HTR2B: variants seen among roughly 807,000 people sequenced by gnomAD.
HTR2B encodes 5-HT 2B receptor.
Under a neutral mutation model 39.8 loss-of-function variants are expected in HTR2B, and 31 were observed. The ratio of observed to expected loss-of-function variants is 0.78; its 90% CI spans 0.58 to 1.05. HTR2B has a LOEUF of 1.05. Ranked by LOEUF, HTR2B falls within the 50% of genes least tolerant of loss-of-function variation. HTR2B has a pLI of 0.00. For synonymous variants in HTR2B, 210 were observed against 207.1 expected, an observed-to-expected ratio of 1.01 and a Z score of -0.12; for missense variants, 562 against 578.0, an observed-to-expected ratio of 0.97 and a Z score of 0.28.
At position 231,108,736 on chromosome 2, in the gene HTR2B, T is replaced by C. The variant is rs200732959; in HGVS notation, c.1227A>G (p.Arg409=). The C allele has an allele frequency of 5.8e-5, 93 of 1,614,068 alleles. No individual in the cohort carries two copies. Among genetic ancestry groups the C allele is most frequent in the African/African-American group, 2.7e-5 (2 of 74,926 alleles). The change falls in exon 4 of 4, where the codon AGA becomes AGG. Residue 409 remains arginine (R), a synonymous_variant. Coordinates refer to ENST00000258400, the MANE Select transcript of HTR2B (RefSeq NM_000867.5). Reference sequence around the variant, plus strand: ...GGAAGTAGATCTTACTGGAGCGTTTTCTGAGAGTTTTTACTGACTTTGTGG... The same window carrying C: ...GGAAGTAGATCTTACTGGAGCGTTTCCTGAGAGTTTTTACTGACTTTGTGG... ...YRATKSVKTL[R]KRSSKIYFRN...
At position 231,123,627 on chromosome 2, in the gene HTR2B, A is replaced by C; in HGVS notation, c.138T>G (p.Ile46Met). The C allele has an allele frequency of 6.2e-7, 1 of 1,614,130 alleles. No homozygotes were observed. The highest frequency in any genetic ancestry group is 8.5e-7 in the Non-Finnish European group (1 of 1,179,964). The change falls in exon 2 of 4, where the codon ATT becomes ATG. Residue 46 changes from isoleucine to methionine, a missense_variant. Ile to Met is a conservative substitution (Grantham distance 10). Coordinates refer to ENST00000258400, the MANE Select transcript of HTR2B (RefSeq NM_000867.5). ...GCAGTTTATTTCCCTGTTCCTCAAC[A>C]ATCTGTTTCATTTCCTCTGGTATTG... The part of the protein sequence containing the change: ...TESIPEEMKQ[I>M]VEEQGNKLHW...
At position 231,108,948 on chromosome 2, in the gene HTR2B, G is replaced by A. The variant is rs369917793; in HGVS notation, c.1015C>T (p.Pro339Ser). 1 of 1,613,896 alleles carries A rather than the reference G, an allele frequency of 6.2e-7. No homozygotes were observed. The highest frequency in any genetic ancestry group is 1.3e-5 in the African/African-American group (1 of 74,892). ...VFFLFLLMWC[P>S]FFITNITLVL... ...AAAGTTATATTTGTAATAAAGAAGG[G>A]ACACCACATAAGCAAAAAGAGGAAA... The change falls in exon 4 of 4, where the codon CCC becomes TCC. Residue 339 changes from proline (P) to serine (S), a missense_variant. Physicochemically the swap from Pro to Ser is moderately conservative, Grantham distance 74. Transcript: ENST00000258400.
Position 231,123,705 on chromosome 2 carries a change from C to T in HTR2B, c.60G>A (p.Gln20=). The change falls in exon 2 of 4, where the codon CAG becomes CAA. Residue 20 remains glutamine (Q), a synonymous_variant. Transcript: ENST00000258400. ...AAGAGATAACGTGAACAAAGGTGCT[C>T]TGCAAAATGTGCTCAGGAATTGTGC... The part of the protein sequence containing the change: ...LQSTIPEHIL[Q]STFVHVISSN... The T allele has an allele frequency of 1.2e-6, 2 of 1,614,096 alleles. No individual in the cohort carries two copies. The highest frequency in any genetic ancestry group is 8.5e-7 in the Non-Finnish European group (1 of 1,179,952).
In HTR2B at chr2:231,108,826, G is replaced by A. The variant is rs539709485; in HGVS notation, c.1137C>T (p.Val379=). The change falls in exon 4 of 4, where the codon GTC becomes GTT. Residue 379 remains valine, a synonymous_variant. Transcript: ENST00000258400. ...GYVSSGVNPL[V]YTLFNKTFRD... is the part of the protein sequence containing the mutation. ...GAAATGTCTTATTGAAGAGGGTGTA[G>A]ACCAAAGGATTCACTCCTGAGGAAA... 53 of 1,614,122 alleles carry A rather than the reference G, an allele frequency of 3.3e-5. No homozygotes were observed. In the South Asian group the frequency reaches 5.2e-4, roughly 16 times the overall value.
Position 231,109,421 on chromosome 2 carries a change from G to A in HTR2B, c.554-12C>T, listed in dbSNP as rs1695081809. On this transcript the variant is annotated splice_polypyrimidine_tract_variant and intron_variant, in intron 3 of 3. Coordinates refer to ENST00000258400, the MANE Select transcript of HTR2B (RefSeq NM_000867.5). ...TGGAATGGCAATGCCTAAGGAAGAG[G>A]AAAACAAGATAAATTGAGTCATTTT... The A allele has an allele frequency of 1.2e-6, 2 of 1,611,806 alleles. No individual in the cohort carries two copies. Among genetic ancestry groups the A allele is most frequent in the East Asian group, 2.2e-5 (1 of 44,848 alleles).
rs1559241070 is a variant in HTR2B at position 231,123,803 on chromosome 2, G to A, written c.-39C>T. ...GTGATTCAATCCCGTTCCGAACAGT[G>A]GTCAGCATGGTTAGTAGCTAAGCTG... On this transcript the variant is annotated 5_prime_UTR_variant, in exon 2 of 4. Coordinates refer to ENST00000258400, the MANE Select transcript of HTR2B (RefSeq NM_000867.5). The A allele has an allele frequency of 2.8e-6, 4 of 1,442,988 alleles. No homozygotes were observed. Among genetic ancestry groups the A allele is most frequent in the East Asian group, 2.3e-5 (1 of 44,032 alleles). The allele number at this position is 1,442,988 out of a possible 1,614,324, so 89.4% of individuals were successfully genotyped here.
intron 3 of HTR2B, among the ~76,000 whole-genome samples, chr2:231,109,832 A>G (rs553012576): frequency 1.3e-5 from 2 of 152,268 alleles, no homozygotes; most frequent in Non-Finnish European, 2.9e-5. Context: ...CATTTATTCA[A>G]TATCTTTACT....
intron 3 of HTR2B, among the ~76,000 whole-genome samples, chr2:231,111,035 T>C (rs1695140861): frequency 6.6e-6 from 1 of 152,240 alleles, no homozygotes; most frequent in Admixed American, 6.5e-5. Flanking sequence ...CTTCTCCATC[T>C]TGCTTTTCTG....
At chr2:231,110,926 C>G (rs936526257) in intron 3 of HTR2B, among the ~76,000 whole-genome samples, 5 of 152,186 alleles carry the variant, frequency 3.3e-5, no homozygotes, top group Non-Finnish European at 5.9e-5. Context: ...AGTTTGCTGA[C>G]CCCTGCTTTA....
chr2:231,113,900 A>G lies in HTR2B; in HGVS notation c.382T>C (p.Cys128Arg), dbSNP rs748224973. Residue 128 changes from cysteine to arginine, a missense_variant, in exon 3 of 4, where the codon TGT becomes CGT. Cys to Arg is a radical substitution (Grantham distance 180). Coordinates refer to ENST00000258400, the MANE Select transcript of HTR2B (RefSeq NM_000867.5). ...EAMWPLPLVL[C>R]PAWLFLDVLF... The stretch of plus-strand genomic sequence containing the variant: ...ACGTCAAGAAATAACCAGGCAGGAC[A>G]TAGAACAAGTGGGAGGGGCCACATA... The G allele has an allele frequency of 2.5e-6, 4 of 1,614,070 alleles. No homozygotes were observed. The highest frequency in any genetic ancestry group is 2.2e-5 in the South Asian group (2 of 91,090).
chr2:231,121,169 A>G (rs1667514194), intron 2 of HTR2B, among the ~76,000 whole-genome samples: 1 of 152,190 alleles, frequency 6.6e-6, no homozygotes. Flanking sequence ...AAACCCCACT[A>G]TACAACTTAT....
intron 2 of HTR2B, among the ~76,000 whole-genome samples, chr2:231,115,198 A>T (rs1446157352): frequency 1.3e-5 from 2 of 152,116 alleles, no homozygotes. Context: ...ACCAAAAAAA[A>T]AAAAAGCATA....
At chr2:231,113,483 C>T (rs1362459677) in intron 3 of HTR2B, among the ~76,000 whole-genome samples, 4 of 152,172 alleles carry the variant, frequency 2.6e-5, no homozygotes, top group Non-Finnish European at 4.4e-5. Context: ...AAAGAAATCT[C>T]AATAAACACT....
Position 231,123,849 on chromosome 2 carries a change from A to G in HTR2B, c.-85T>C. ...AGCTGCTCATCTGTTTTTTTAAGGCATTGTAACCATGCCAAACACTCAAAA... is the reference window on the plus strand; with the variant it reads ...AGCTGCTCATCTGTTTTTTTAAGGCGTTGTAACCATGCCAAACACTCAAAA... On this transcript the variant is annotated 5_prime_UTR_variant, in exon 2 of 4. An upstream start codon of the reference 5' UTR is lost. Coordinates refer to ENST00000258400, the MANE Select transcript of HTR2B (RefSeq NM_000867.5). 2 of 1,084,804 alleles carry G rather than the reference A, an allele frequency of 1.8e-6. No individual in the cohort carries two copies. Among genetic ancestry groups the G allele is most frequent in the Non-Finnish European group, 2.8e-6 (2 of 703,156 alleles). The allele number at this position is 1,084,804 out of a possible 1,614,324, so 67.2% of individuals were successfully genotyped here.
intron 2 of HTR2B, among the ~76,000 whole-genome samples, chr2:231,118,121 G>A (rs1347170763): frequency 6.8e-6 from 1 of 146,048 alleles, no homozygotes; most frequent in African/African-American, 2.8e-5. Flanking sequence ...TGTAAAGTGG[G>A]GATAATAGTA....
At position 231,109,237 on chromosome 2, in the gene HTR2B, A is replaced by G. The variant is rs2125204867; in HGVS notation, c.726T>C (p.His242=). The G allele has an allele frequency of 6.2e-7, 1 of 1,614,184 alleles. No individual in the cohort carries two copies. Among genetic ancestry groups the G allele is most frequent in the Non-Finnish European group, 8.5e-7 (1 of 1,180,028 alleles). ...CTAAGTAAGCCTTCTTCTGTAAAGC[A>G]TGGATAGTGAGAAAGTAGGTGACAA... ...IMIVTYFLTI[H]ALQKKAYLVK... is the part of the protein sequence containing the mutation. Residue 242 remains histidine (H), a synonymous_variant, in exon 4 of 4, where the codon CAT becomes CAC. Transcript: ENST00000258400.
Position 231,109,392 on chromosome 2 carries a change from G to A in HTR2B, c.571C>T (p.Pro191Ser). 2 of 1,613,908 alleles carry A rather than the reference G, an allele frequency of 1.2e-6. No homozygotes were observed. The highest frequency in any genetic ancestry group is 1.7e-6 in the Non-Finnish European group (2 of 1,179,848). The stretch of plus-strand genomic sequence containing the variant: ...ACATCAGTCTCTATCCCTTTAATAG[G>A]GACTGGAATGGCAATGCCTAAGGAA... Reference protein sequence around the residue: ...LISIGIAIPVPIKGIETDVDN... With the variant: ...LISIGIAIPVSIKGIETDVDN... Residue 191 changes from proline (P) to serine (S), a missense_variant, in exon 4 of 4, where the codon CCT becomes TCT. Transcript: ENST00000258400.
At chr2:231,109,459 TC>T in intron 3 of HTR2B, 50 bp from the exon 4 acceptor site, 1 of 1,465,362 alleles carries the variant, frequency 6.8e-7, no homozygotes, top group Non-Finnish European at 9.6e-7. Flanking sequence ...GACCTGTAAC[TC>T]TTCGATTAGA....
chr2:231,121,720 T>A (rs931957409), intron 2 of HTR2B, among the ~76,000 whole-genome samples: 4 of 152,232 alleles, frequency 2.6e-5, no homozygotes, highest in Non-Finnish European at 4.4e-5. Context: ...ATAATTTAAG[T>A]ATCTACCATG....
Sources: gnomAD v4.1 joint callset for allele counts (sites outside exome capture counted in the v4.1 genomes callset) on GRCh38, gnomAD v4.1.1 for gene constraint, MANE v1.5 for transcripts, NCBI Gene and HGNC (gene_info 2026-07-23, HGNC 2026-07-21) for gene names.